MYH15: variants seen among roughly 807,000 people sequenced by gnomAD.
MYH15 encodes myosin-15.
A neutral mutation model predicts 240.5 loss-of-function variants in MYH15; 227 were observed. The observed-to-expected ratio is 0.94, with a 90% CI of 0.85 to 1.05. The LOEUF (loss-of-function observed/expected upper bound fraction) is 1.05, where lower values mean the gene tolerates loss of function less well. Among genes scored for constraint, MYH15 ranks in the 50% least tolerant of loss-of-function variants. The pLI, the probability that MYH15 is intolerant of heterozygous loss-of-function variation, is 0.00. For missense variants in MYH15, 2,217 were observed against 2,247.5 expected, an observed-to-expected ratio of 0.99 and a Z score of 0.27; for synonymous variants, 785 against 796.7, an observed-to-expected ratio of 0.99 and a Z score of 0.25.
intron 35 of MYH15, among the ~76,000 whole-genome samples, chr3:108,395,428 G>A (rs943155913): frequency 6.6e-6 from 1 of 152,194 alleles, no homozygotes; most frequent in African/African-American, 2.4e-5. Flanking sequence ...CATGGCCTGA[G>A]AGATGGGGTG....
intron 39 of MYH15, 82 bp downstream of exon 39, chr3:108,384,605 T>A: frequency 7.8e-7 from 1 of 1,283,216 alleles, no homozygotes; most frequent in South Asian, 1.3e-5. Flanking sequence ...ACAAGCTGCT[T>A]GCTGAGCTCA....
chr3:108,429,960 G>A (rs1428773265), intron 26 of MYH15, among the ~76,000 whole-genome samples: 1 of 152,128 alleles, frequency 6.6e-6, no homozygotes, highest in African/African-American at 2.4e-5. Context: ...AATCTTTAGA[G>A]AACTTTTTGA....
At chr3:108,485,355 G>T in intron 10 of MYH15, 126 bp from the exon 11 acceptor site, 1 of 1,072,024 alleles carries the variant, frequency 9.3e-7, no homozygotes, top group Non-Finnish European at 1.4e-6. Context: ...TCTGTTCAAA[G>T]CAATGCAAAT....
intron 33 of MYH15, among the ~76,000 whole-genome samples, chr3:108,403,738 C>T (rs1456721): frequency 0.61 from 91,783 of 151,514 alleles, 28,892 homozygotes; most frequent in East Asian, 0.99. Flanking sequence ...CACCCCCCTG[C>T]CTCCAGTCCA....
chr3:108,459,363 T>A lies in MYH15; in HGVS notation c.2019A>T (p.Pro673=), dbSNP rs1454943640. The change falls in exon 18 of 41, where the codon CCA becomes CCT. Residue 673 remains proline, a splice_region_variant and synonymous_variant. Transcript: ENST00000693548. ...ATTACAAAGAAATCTAGTTCTTACC[T>A]GGTATTTTGTTCACATTGGGATTTA... ...RCINPNVNKI[P]GILDPYLVLQ... is the part of the protein sequence containing the mutation. The A allele has an allele frequency of 1.3e-6, 2 of 1,567,366 alleles. No individual in the cohort carries two copies. Among genetic ancestry groups the A allele is most frequent in the African/African-American group, 1.4e-5 (1 of 73,548 alleles).
chr3:108,445,544 T>C (rs1022196942), intron 21 of MYH15, among the ~76,000 whole-genome samples: 4 of 152,052 alleles, frequency 2.6e-5, no homozygotes, highest in Non-Finnish European at 4.4e-5. Flanking sequence ...AAATACCTTT[T>C]CAACCCTTGG....
intron 1 of MYH15, among the ~76,000 whole-genome samples, chr3:108,521,332 G>C (rs1326110614): frequency 1.3e-5 from 2 of 151,546 alleles, no homozygotes; most frequent in Non-Finnish European, 2.9e-5. Flanking sequence ...TACAAAACCT[G>C]AAAATGTCTT....
chr3:108,496,786 C>A (rs1286216010), intron 6 of MYH15, among the ~76,000 whole-genome samples: 2 of 146,278 alleles, frequency 1.4e-5, no homozygotes, highest in African/African-American at 5.0e-5. Context: ...CTAGACCAAA[C>A]CATTTAATGC....
intron 32 of MYH15, among the ~76,000 whole-genome samples, chr3:108,406,939 T>G (rs1441081234): frequency 6.6e-6 from 1 of 152,204 alleles, no homozygotes; most frequent in East Asian, 1.9e-4. Context: ...ATTTCTATCA[T>G]AAAATTTACT....
chr3:108,460,464 G>A (rs2083063041), intron 16 of MYH15, 97 bp from the exon 17 acceptor site: 1 of 866,160 alleles, frequency 1.2e-6, no homozygotes, highest in Admixed American at 3.2e-5. Context: ...ATTCACCAGA[G>A]TTCTAGAACA....
chr3:108,532,137 T>C (rs1270794968), upstream of MYH15, among the ~76,000 whole-genome samples: 1 of 151,866 alleles, frequency 6.6e-6, no homozygotes, highest in Non-Finnish European at 1.5e-5. Context: ...AGATCCTAAA[T>C]GTTGTCATCT....
intron 1 of MYH15, among the ~76,000 whole-genome samples, chr3:108,528,477 G>A (rs2083690148): frequency 6.6e-6 from 1 of 152,200 alleles, no homozygotes; most frequent in South Asian, 2.1e-4. Flanking sequence ...TGATGGTTGG[G>A]TTTTTCTGCA....
intron 28 of MYH15, among the ~76,000 whole-genome samples, chr3:108,420,758 T>G (rs544178911): frequency 8.2e-4 from 125 of 152,320 alleles, no homozygotes; most frequent in South Asian, 6.2e-3. Context: ...AAATATTCAA[T>G]GAGGTAGAAA....
Position 108,510,457 on chromosome 3 carries a change from G to C in MYH15, c.74C>G (p.Ala25Gly). 1 of 1,612,034 alleles carries C rather than the reference G, an allele frequency of 6.2e-7. No individual in the cohort carries two copies. Residue 25 changes from alanine (A) to glycine (G), a missense_variant, in exon 1 of 41, where the codon GCC becomes GGC. Transcript: ENST00000693548. ...RSEAELLLLQATALDGKKKCW... is the reference protein window; with the variant it reads ...RSEAELLLLQGTALDGKKKCW... ...ACATGTCTCACCATCCAAGGCTGTG[G>C]CCTGTAGTAGAAGCAGCTCAGCTTC...
intron 11 of MYH15, among the ~76,000 whole-genome samples, chr3:108,478,619 T>A (rs1205223892): frequency 1.3e-5 from 2 of 151,596 alleles, no homozygotes; most frequent in South Asian, 4.2e-4. Context: ...CCTGGCAACC[T>A]GAGTGGAGAT....
chr3:108,526,221 CCAA>C (rs1392803710), intron 1 of MYH15, among the ~76,000 whole-genome samples: 1 of 152,110 alleles, frequency 6.6e-6, no homozygotes, highest in Non-Finnish European at 1.5e-5. Flanking sequence ...ATTCATGCCA[CCAA>C]CAAGTACATT....
Position 108,437,549 on chromosome 3 carries a change from C to T in MYH15, c.3221+5G>A. The T allele has an allele frequency of 6.2e-7, 1 of 1,610,402 alleles. No homozygotes were observed. The highest frequency in any genetic ancestry group is 2.2e-5 in the East Asian group (1 of 44,836). ...CAATCTCATGTCAACAGAAAGGTGG[C>T]TTACTTCCTCAGCTCTTCTGCCAGG... On this transcript the variant is annotated splice_donor_5th_base_variant and intron_variant, in intron 25 of 40. Coordinates refer to ENST00000693548, the MANE Select transcript of MYH15 (RefSeq NM_014981.3).
chr3:108,405,704 A>G (rs2082541794), intron 32 of MYH15, among the ~76,000 whole-genome samples: 1 of 152,186 alleles, frequency 6.6e-6, no homozygotes, highest in African/African-American at 2.4e-5. Context: ...GCCTATTTTA[A>G]AATAGAAAAT....
chr3:108,424,373 A>G (rs1217191490), intron 27 of MYH15, among the ~76,000 whole-genome samples: 1 of 152,234 alleles, frequency 6.6e-6, no homozygotes, highest in East Asian at 1.9e-4. Context: ...CAAAAAGACA[A>G]TTAGATTGTT....
Sources: gnomAD v4.1 joint callset for allele counts (sites outside exome capture counted in the v4.1 genomes callset) on GRCh38, gnomAD v4.1.1 for gene constraint, MANE v1.5 for transcripts, NCBI Gene and HGNC (gene_info 2026-07-23, HGNC 2026-07-21) for gene names.